Variants in VWC2 observed in about 807,000 individuals in gnomAD.
VWC2 encodes the protein von Willebrand factor C domain containing 2, also known as brorin.
VWC2 carries 14 observed loss-of-function variants against 29.8 expected under a neutral mutation model. The ratio of observed to expected loss-of-function variants is 0.47; its 90% CI spans 0.31 to 0.74. The LOEUF (loss-of-function observed/expected upper bound fraction) is 0.74, where lower values mean the gene tolerates loss of function less well. Among genes scored for constraint, VWC2 ranks in the 30% least tolerant of loss-of-function variants. The pLI, the probability that VWC2 is intolerant of heterozygous loss-of-function variation, is 0.05. For missense variants in VWC2, 457 were observed against 459.8 expected (o/e 0.99, Z 0.05); for synonymous variants, 213 against 199.0 (o/e 1.07, Z -0.59).
intron 2 of VWC2, among the ~76,000 whole-genome samples, chr7:49,777,193 C>A (rs1013105785): frequency 2.0e-5 from 3 of 152,200 alleles, no homozygotes; most frequent in Non-Finnish European, 1.5e-5. Flanking sequence ...CATAGCTGTC[C>A]TTTTCCCACC....
intron 3 of VWC2, among the ~76,000 whole-genome samples, chr7:49,858,037 G>A (rs1790498236): frequency 6.6e-6 from 1 of 152,088 alleles, no homozygotes; most frequent in South Asian, 2.1e-4. Context: ...GCTATACATG[G>A]TATTTCTAGT....
At position 49,893,467 on chromosome 7, in the gene VWC2, T is replaced by A. The variant is rs576136025; in HGVS notation, c.827-18567T>A. 6.6e-5 allele frequency among the ~76,000 whole-genome samples: 10 copies of A among 152,322 alleles called. No homozygotes were observed. The South Asian group carries it at 2.1e-3, about 32-fold the overall frequency. On this transcript the variant is annotated intron_variant, in intron 3 of 3. Coordinates refer to ENST00000340652, the MANE Select transcript of VWC2 (RefSeq NM_198570.5). Reference sequence around the variant, plus strand: ...TTGATTTTTTTCGTGCTTGTTTTAGTCCCTCTTTAAAAACTTTTGCTCATT... The same window carrying A: ...TTGATTTTTTTCGTGCTTGTTTTAGACCCTCTTTAAAAACTTTTGCTCATT...
intron 2 of VWC2, among the ~76,000 whole-genome samples, chr7:49,786,198 A>T (rs576026318): frequency 6.6e-6 from 1 of 152,112 alleles, no homozygotes; most frequent in Non-Finnish European, 1.5e-5. Flanking sequence ...TAAGTGCCCA[A>T]TGTTTAGCTT....
rs116884029 is a variant in VWC2, at chr7:49,831,506, C to T, written c.826+28666C>T. Among the ~76,000 whole-genome samples, 848 of 152,252 alleles carry T rather than the reference C, an allele frequency of 5.6e-3. 5 individuals are homozygous for T. Among genetic ancestry groups the T allele is most frequent in the Middle Eastern group, 0.01 (3 of 294 alleles). ...TGGAAAAGGAAGTAGATTTATTCTG[C>T]ATAGCATGATAGGGCGCACATGGGT... On this transcript the variant is annotated intron_variant, in intron 3 of 3. Transcript: ENST00000340652.
chr7:49,910,173 C>G (rs535177735), intron 3 of VWC2, among the ~76,000 whole-genome samples: 3 of 152,240 alleles, frequency 2.0e-5, no homozygotes, highest in African/African-American at 7.2e-5. Flanking sequence ...CACATGCAAG[C>G]AGGCAGCCAT....
At chr7:49,859,306 T>G (rs1041197147) in intron 3 of VWC2, among the ~76,000 whole-genome samples, 1 of 152,216 alleles carries the variant, frequency 6.6e-6, no homozygotes, top group Non-Finnish European at 1.5e-5. Context: ...CTTTAAGTTA[T>G]CTTTTATGTT....
chr7:49,858,307 A>G (rs1030549033), intron 3 of VWC2, among the ~76,000 whole-genome samples: 1 of 152,090 alleles, frequency 6.6e-6, no homozygotes, highest in African/African-American at 2.4e-5. Flanking sequence ...AACCAACCCA[A>G]ATGTCCAACA....
At chr7:49,884,478 G>A (rs1299202348) in intron 3 of VWC2, among the ~76,000 whole-genome samples, 2 of 152,164 alleles carry the variant, frequency 1.3e-5, no homozygotes, top group Non-Finnish European at 2.9e-5. Context: ...GGGTAAGAAA[G>A]TCATCCTGAT....
chr7:49,774,355 C>A (rs1005405729), intron 1 of VWC2, among the ~76,000 whole-genome samples: 1 of 152,140 alleles, frequency 6.6e-6, no homozygotes, highest in Admixed American at 6.5e-5. Flanking sequence ...AGGGGACAGA[C>A]GCACCGGAGT....
intron 2 of VWC2, among the ~76,000 whole-genome samples, chr7:49,796,090 C>T (rs1037630560): frequency 6.6e-6 from 1 of 152,058 alleles, no homozygotes; most frequent in East Asian, 1.9e-4. Flanking sequence ...TTGCAGAATC[C>T]AATAATCTGA....
At position 49,917,728 on chromosome 7, in the gene VWC2, T is replaced by A. The variant is rs1361434540; in HGVS notation, c.*5543T>A. On this transcript the variant is annotated 3_prime_UTR_variant, in exon 4 of 4. Transcript: ENST00000340652. ...TAAGACCAACATATACATTAAAGTG[T>A]ATTTAGATGATTAATATTTAATGAT... 1 of 152,170 alleles carries A rather than the reference T, an allele frequency of 6.6e-6. No homozygotes were observed. Among genetic ancestry groups the A allele is most frequent in the African/African-American group, 2.4e-5 (1 of 41,464 alleles). The allele number at this position is 152,170 out of a possible 1,614,324, so 9.4% of individuals were successfully genotyped here.
Position 49,899,805 on chromosome 7 carries a change from G to T in VWC2, c.827-12229G>T, listed in dbSNP as rs147575087. Among the ~76,000 whole-genome samples the T allele has an allele frequency of 6.2e-3, 937 of 152,084 alleles. 32 individuals carry two copies. The highest frequency in any genetic ancestry group is 0.058 in the Admixed American group (879 of 15,276). On this transcript the variant is annotated intron_variant, in intron 3 of 3. Coordinates refer to ENST00000340652, the MANE Select transcript of VWC2 (RefSeq NM_198570.5). ...AGTAAGGACATAGTTGACCTGAAGA[G>T]TACCATGAGTCAAGTGGATATAATT...
intron 3 of VWC2, among the ~76,000 whole-genome samples, chr7:49,840,744 G>A (rs1789776052): frequency 6.6e-6 from 1 of 152,010 alleles, no homozygotes; most frequent in African/African-American, 2.4e-5. Context: ...GTTCATTTTT[G>A]TGGATCCGGC....
chr7:49,907,478 T>C (rs1367568976), intron 3 of VWC2, among the ~76,000 whole-genome samples: 1 of 152,146 alleles, frequency 6.6e-6, no homozygotes, highest in Non-Finnish European at 1.5e-5. Flanking sequence ...GGAGAGTATA[T>C]TAAGGATTTT....
At chr7:49,891,658 G>A (rs1242441554) in intron 3 of VWC2, among the ~76,000 whole-genome samples, 1 of 152,120 alleles carries the variant, frequency 6.6e-6, no homozygotes, top group African/African-American at 2.4e-5. Flanking sequence ...TGGATCAACT[G>A]GAGTTCTTAT....
intron 3 of VWC2, among the ~76,000 whole-genome samples, chr7:49,830,120 A>T (rs192800824): frequency 6.6e-6 from 1 of 152,290 alleles, no homozygotes; most frequent in East Asian, 1.9e-4. Flanking sequence ...TTGTAGTGGA[A>T]ACTTGCTTTT....
intron 2 of VWC2, among the ~76,000 whole-genome samples, chr7:49,794,412 T>C (rs1788537082): frequency 6.6e-6 from 1 of 152,340 alleles, no homozygotes; most frequent in South Asian, 2.1e-4. Flanking sequence ...GTAGCAATAT[T>C]AAGTGCTTGC....
chr7:49,788,366 T>A (rs543702194), intron 2 of VWC2, among the ~76,000 whole-genome samples: 4 of 152,288 alleles, frequency 2.6e-5, no homozygotes, highest in Admixed American at 2.6e-4. Context: ...TCATCTTCAC[T>A]TCCTGCTTGT....
chr7:49,854,828 G>A (rs1003461346), intron 3 of VWC2, among the ~76,000 whole-genome samples: 2 of 152,200 alleles, frequency 1.3e-5, no homozygotes, highest in African/African-American at 4.8e-5. Context: ...ATAAATTGGT[G>A]CACTTGTCAC....
Sources: allele counts gnomAD v4.1 joint callset (sites outside exome capture counted in the v4.1 genomes callset), GRCh38; gene constraint gnomAD v4.1.1; transcripts MANE v1.5; gene names NCBI Gene and HGNC (gene_info 2026-07-23, HGNC 2026-07-21).